Variants in FSTL5 observed in about 807,000 individuals in gnomAD.
FSTL5 encodes the protein follistatin like 5, also known as follistatin-related protein 5.
A neutral mutation model predicts 89.1 loss-of-function variants in FSTL5; 62 were observed. The observed-to-expected ratio is 0.70, with a 90% CI of 0.57 to 0.86. The LOEUF (loss-of-function observed/expected upper bound fraction) is 0.86. Among genes scored for constraint, FSTL5 ranks in the 40% least tolerant of loss-of-function variants. FSTL5 has a pLI of 0.00. For missense variants in FSTL5, 1,057 were observed against 1,001.6 expected (o/e 1.06, Z -0.75); for synonymous variants, 383 against 346.2 (o/e 1.11, Z -1.18).
intron 12 of FSTL5, among the ~76,000 whole-genome samples, chr4:161,490,550 T>C (rs1292760461): frequency 6.6e-6 from 1 of 152,112 alleles, no homozygotes; most frequent in Non-Finnish European, 1.5e-5. Flanking sequence ...CTTTTTTTTT[T>C]CCTGTGGCAC....
intron 4 of FSTL5, among the ~76,000 whole-genome samples, chr4:161,778,006 A>C (rs910905179): frequency 7.9e-5 from 12 of 152,080 alleles, no homozygotes; most frequent in African/African-American, 2.9e-4. Context: ...AGGCAGGAGA[A>C]TCGCTGGAAC....
chr4:161,788,000 G>A (rs1424560442), intron 4 of FSTL5, among the ~76,000 whole-genome samples: 1 of 152,086 alleles, frequency 6.6e-6, no homozygotes, highest in Non-Finnish European at 1.5e-5. Flanking sequence ...GATGTCAGTA[G>A]GGAGATGTAA....
At chr4:161,721,284 CAAAAAAAAAAAAA>C (rs34307838) in intron 6 of FSTL5, among the ~76,000 whole-genome samples, 1 of 65,126 alleles carries the variant, frequency 1.5e-5, no homozygotes, top group Non-Finnish European at 2.8e-5. Context: ...GACTCCGTCT[CAAAAAAAAAAAAA>C]AAAAAAAAAA....
chr4:161,724,359 A>T (rs1388843883), intron 6 of FSTL5, among the ~76,000 whole-genome samples: 2 of 152,198 alleles, frequency 1.3e-5, no homozygotes, highest in Non-Finnish European at 2.9e-5. Flanking sequence ...GCCGATGTAC[A>T]TAGATCAAAA....
intron 2 of FSTL5, among the ~76,000 whole-genome samples, chr4:162,081,058 A>G (rs1730072839): frequency 6.6e-6 from 1 of 151,674 alleles, no homozygotes; most frequent in Non-Finnish European, 1.5e-5. Context: ...ACTAAGCAGA[A>G]AAGTTTATTT....
chr4:162,095,002 A>ATAC (rs1230768387), intron 2 of FSTL5, among the ~76,000 whole-genome samples: 1 of 152,150 alleles, frequency 6.6e-6, no homozygotes, highest in Admixed American at 6.6e-5. Flanking sequence ...TATTTTCAAA[A>ATAC]ATGGCTTTTC....
intron 8 of FSTL5, among the ~76,000 whole-genome samples, chr4:161,551,410 T>C (rs1313062572): frequency 1.5e-4 from 23 of 151,456 alleles, no homozygotes; most frequent in African/African-American, 4.1e-4. Flanking sequence ...TCATGTCCTT[T>C]GTCCACTTTT....
At chr4:161,954,948 T>C (rs1267985935) in intron 3 of FSTL5, among the ~76,000 whole-genome samples, 3 of 151,616 alleles carry the variant, frequency 2.0e-5, no homozygotes, top group Non-Finnish European at 1.5e-5. Context: ...TAATATACAA[T>C]AAAGTAATAA....
chr4:161,796,678 C>T (rs964320771), intron 4 of FSTL5, among the ~76,000 whole-genome samples: 1 of 151,438 alleles, frequency 6.6e-6, no homozygotes, highest in East Asian at 1.9e-4. Flanking sequence ...TTTCTATTAA[C>T]CAGTTCGAAA....
At chr4:161,861,200 A>T (rs1462974910) in intron 4 of FSTL5, among the ~76,000 whole-genome samples, 1 of 152,150 alleles carries the variant, frequency 6.6e-6, no homozygotes, top group Non-Finnish European at 1.5e-5. Context: ...AGGCGAGTGG[A>T]TCACCTGAGG....
intron 15 of FSTL5, among the ~76,000 whole-genome samples, chr4:161,437,565 C>CAAAAAAGAAAAAAAAAA (rs773433793): frequency 1.5e-5 from 1 of 68,542 alleles, no homozygotes; most frequent in Non-Finnish European, 2.4e-5. Flanking sequence ...GACTCCGTCT[C>CAAAAAAGAAAAAAAAAA]AAAAAAAAAA....
At chr4:161,465,463 T>TA (rs1733718550) in intron 13 of FSTL5, among the ~76,000 whole-genome samples, 1 of 152,076 alleles carries the variant, frequency 6.6e-6, no homozygotes, top group Non-Finnish European at 1.5e-5. Flanking sequence ...TAATTTACAT[T>TA]AAAAAAATAA....
intron 4 of FSTL5, among the ~76,000 whole-genome samples, chr4:161,901,439 T>A (rs1025734653): frequency 6.6e-6 from 1 of 150,964 alleles, no homozygotes; most frequent in Non-Finnish European, 1.5e-5. Context: ...AGAGGGGGAG[T>A]GATAAGAGTG....
At chr4:161,506,162 A>T (rs759416354) in intron 11 of FSTL5, among the ~76,000 whole-genome samples, 181 of 51,810 alleles carry the variant, frequency 3.5e-3, no homozygotes, top group Non-Finnish European at 0.011. Flanking sequence ...CTTGAGCTCC[A>T]GAGCTCAGGG....
chr4:161,464,521 C>T (rs183562138), intron 13 of FSTL5, among the ~76,000 whole-genome samples: 44 of 152,248 alleles, frequency 2.9e-4, no homozygotes, highest in Admixed American at 1.8e-3. Flanking sequence ...AAAGCACTTA[C>T]CTCCTTATAT....
At chr4:161,858,996 A>G (rs778572460) in intron 4 of FSTL5, among the ~76,000 whole-genome samples, 2 of 152,172 alleles carry the variant, frequency 1.3e-5, no homozygotes, top group Non-Finnish European at 2.9e-5. Context: ...CACTGGGAAA[A>G]TGTCTCAGTA....
At chr4:161,454,155 A>G (rs999347403) in intron 15 of FSTL5, among the ~76,000 whole-genome samples, 2 of 152,182 alleles carry the variant, frequency 1.3e-5, no homozygotes, top group Admixed American at 6.6e-5. Flanking sequence ...AAATAAGGAA[A>G]CAAATACGCA....
chr4:161,775,928 A>T lies in FSTL5; in HGVS notation c.556T>A (p.Tyr186Asn). 2.5e-6 allele frequency: 4 copies of T among 1,604,796 alleles called. No individual in the cohort carries two copies. The highest frequency in any genetic ancestry group is 3.4e-6 in the Non-Finnish European group (4 of 1,175,680). The change falls in exon 5 of 16, where the codon TAT becomes AAT. Residue 186 changes from tyrosine to asparagine, a missense_variant. Coordinates refer to ENST00000306100, the MANE Select transcript of FSTL5 (RefSeq NM_020116.5). Reference sequence around the variant, plus strand: ...AGTCCATTACTGTCTGCATCAAAATATTTAAACATTTGATCCACCAATAGC... The same window carrying T: ...AGTCCATTACTGTCTGCATCAAAATTTTTAAACATTTGATCCACCAATAGC... ...KKLLVDQMFK[Y>N]FDADSNGLVD...
chr4:161,885,878 T>TA (rs1451519662), intron 4 of FSTL5, among the ~76,000 whole-genome samples: 1 of 152,138 alleles, frequency 6.6e-6, no homozygotes, highest in Non-Finnish European at 1.5e-5. Flanking sequence ...GTTGGTTAGA[T>TA]AGACAACTGG....
Sources: allele counts gnomAD v4.1 joint callset (sites outside exome capture counted in the v4.1 genomes callset), GRCh38; gene constraint gnomAD v4.1.1; transcripts MANE v1.5; gene names NCBI Gene and HGNC (gene_info 2026-07-23, HGNC 2026-07-21).